The following GALNT17 variants were observed in gnomAD, a reference collection of about 807,000 sequenced individuals.
GALNT17 encodes UDP-GalNAc:polypeptide N-acetylgalactosaminyltransferase-like 3.
In GALNT17, 29 loss-of-function variants were observed where a neutral mutation model predicts 63.7. That is an observed-to-expected ratio of 0.46 (90% CI 0.34 to 0.62). The LOEUF is 0.62. Ranked by LOEUF, GALNT17 falls within the 20% of genes least tolerant of loss-of-function variation. GALNT17 has a pLI of 0.01. For missense variants in GALNT17, 603 were observed against 799.6 expected (o/e 0.75, Z 2.97); for synonymous variants, 305 against 318.3 (o/e 0.96, Z 0.45).
chr7:71,605,572 GA>G (rs1397041161), intron 6 of GALNT17, among the ~76,000 whole-genome samples: 1 of 146,572 alleles, frequency 6.8e-6, no homozygotes, highest in Non-Finnish European at 1.5e-5. Flanking sequence ...GCGACAGAGT[GA>G]GACTCCATCT....
At chr7:71,500,364 C>T (rs549610954) in intron 5 of GALNT17, among the ~76,000 whole-genome samples, 3 of 152,150 alleles carry the variant, frequency 2.0e-5, no homozygotes, top group Non-Finnish European at 2.9e-5. Context: ...GTTGACTGCA[C>T]GATGATTTTG....
At chr7:71,679,782 C>T (rs74643531) in intron 9 of GALNT17, among the ~76,000 whole-genome samples, 2,104 of 152,082 alleles carry the variant, frequency 0.014, 53 homozygotes, top group African/African-American at 0.034. Flanking sequence ...CCCAAGGCTG[C>T]GACAACACCA....
chr7:71,197,399 G>A (rs1203288210), intron 1 of GALNT17, among the ~76,000 whole-genome samples: 10 of 150,384 alleles, frequency 6.6e-5, no homozygotes, highest in Non-Finnish European at 8.9e-5. Context: ...TAGTGGAGAC[G>A]GGGTTTCACC....
chr7:71,155,568 C>T (rs1990109), intron 1 of GALNT17, among the ~76,000 whole-genome samples: 3,031 of 151,780 alleles, frequency 0.02, 119 homozygotes, highest in African/African-American at 0.059. Context: ...CCACTGCGCC[C>T]AGCTTCTTCT....
intron 2 of GALNT17, among the ~76,000 whole-genome samples, chr7:71,348,669 C>A (rs555244630): frequency 7.9e-5 from 12 of 152,158 alleles, no homozygotes; most frequent in Admixed American, 2.0e-4. Flanking sequence ...TGAATCAAAC[C>A]AATGTTGAGA....
intron 6 of GALNT17, among the ~76,000 whole-genome samples, chr7:71,617,836 A>C (rs1344437157): frequency 6.6e-6 from 1 of 151,972 alleles, no homozygotes; most frequent in Non-Finnish European, 1.5e-5. Flanking sequence ...TAGTAGAGAC[A>C]GGATTTCACC....
chr7:71,160,738 C>T (rs1788327426), intron 1 of GALNT17, among the ~76,000 whole-genome samples: 1 of 152,146 alleles, frequency 6.6e-6, no homozygotes, highest in Non-Finnish European at 1.5e-5. Flanking sequence ...GGATTACAGG[C>T]GTGAGCCACC....
chr7:71,521,949 C>G (rs904092148), intron 5 of GALNT17, among the ~76,000 whole-genome samples: 3 of 152,042 alleles, frequency 2.0e-5, no homozygotes, highest in Admixed American at 2.0e-4. Context: ...CATAAGGGCC[C>G]CTGGAAAGCT....
chr7:71,265,364 A>T (rs1248231945), intron 1 of GALNT17, among the ~76,000 whole-genome samples: 1 of 151,508 alleles, frequency 6.6e-6, no homozygotes, highest in East Asian at 1.9e-4. Context: ...TGACCTCATG[A>T]TCTGCCCGCC....
At chr7:71,253,149 A>G (rs537579937) in intron 1 of GALNT17, among the ~76,000 whole-genome samples, 1 of 152,228 alleles carries the variant, frequency 6.6e-6, no homozygotes, top group East Asian at 1.9e-4. Context: ...TCTTTTATCT[A>G]CTTCATTAGT....
At chr7:71,600,810 T>C (rs1196424389) in intron 6 of GALNT17, among the ~76,000 whole-genome samples, 1 of 151,898 alleles carries the variant, frequency 6.6e-6, no homozygotes, top group Admixed American at 6.6e-5. Context: ...TGGTGTTTGG[T>C]TACATGAGTA....
At chr7:71,133,156 C>A in intron 1 of GALNT17, 116 bp downstream of exon 1, 1 of 904,498 alleles carries the variant, frequency 1.1e-6, no homozygotes, top group South Asian at 1.9e-5. Context: ...CCCTGGCTCC[C>A]GCGCGCTCCT....
At chr7:71,508,560 G>A (rs896581589) in intron 5 of GALNT17, among the ~76,000 whole-genome samples, 5 of 151,990 alleles carry the variant, frequency 3.3e-5, no homozygotes, top group Non-Finnish European at 7.4e-5. Flanking sequence ...AGCACCCCCC[G>A]GCCCATGGGT....
chr7:71,595,548 T>C (rs16869514), intron 6 of GALNT17, among the ~76,000 whole-genome samples: 6,287 of 152,128 alleles, frequency 0.041, 398 homozygotes, highest in African/African-American at 0.14. Flanking sequence ...GGGCATTTCT[T>C]TCTGTGTATC....
intron 1 of GALNT17, among the ~76,000 whole-genome samples, chr7:71,193,750 A>G (rs1788996005): frequency 6.6e-6 from 1 of 152,100 alleles, no homozygotes; most frequent in Non-Finnish European, 1.5e-5. Context: ...AGAAAATAGC[A>G]GTATTCTTAT....
intron 5 of GALNT17, among the ~76,000 whole-genome samples, chr7:71,558,574 A>T (rs1789202602): frequency 6.6e-6 from 1 of 152,124 alleles, no homozygotes. Context: ...GTCTCATCTC[A>T]CAAGATAGCT....
chr7:71,292,355 A>G (rs1024742841), intron 1 of GALNT17, among the ~76,000 whole-genome samples: 2 of 152,210 alleles, frequency 1.3e-5, no homozygotes, highest in African/African-American at 2.4e-5. Context: ...AAAGTCTATT[A>G]AGCATGTCAA....
rs1425060182 is a variant in GALNT17, at chr7:71,503,750, T to C, written c.963-67535T>C. On this transcript the variant is annotated intron_variant, in intron 5 of 10. Coordinates refer to ENST00000333538, the MANE Select transcript of GALNT17 (RefSeq NM_022479.3). ...TAGTGAGACAGATGATGTTCCTGCC[T>C]TCCTGGAGCTTTTATTCTAGGTACT... Among the ~76,000 whole-genome samples, 4 of 152,184 alleles carry C rather than the reference T, an allele frequency of 2.6e-5. No homozygotes were observed. In the East Asian group the frequency reaches 7.7e-4, roughly 29 times the overall value.
intron 6 of GALNT17, among the ~76,000 whole-genome samples, chr7:71,656,491 G>T (rs1199862815): frequency 2.0e-5 from 3 of 152,078 alleles, no homozygotes; most frequent in Non-Finnish European, 4.4e-5. Flanking sequence ...GAAGATTGAG[G>T]ATTTATTTTC....
Sources: gnomAD v4.1 joint callset for allele counts (sites outside exome capture counted in the v4.1 genomes callset) on GRCh38, gnomAD v4.1.1 for gene constraint, MANE v1.5 for transcripts, NCBI Gene and HGNC (gene_info 2026-07-23, HGNC 2026-07-21) for gene names.